The following ATP10B variants were observed in gnomAD, a reference collection of about 807,000 sequenced individuals.
ATP10B encodes the protein ATPase phospholipid transporting 10B (putative), also known as phospholipid-transporting ATPase VB.
In ATP10B, 122 loss-of-function variants were observed where a neutral mutation model predicts 141.2. The observed-to-expected ratio is 0.86, with a 90% CI of 0.75 to 1.00. The LOEUF is 1.00. ATP10B is among the 50% of genes least tolerant of loss of function. The pLI, the probability that ATP10B is intolerant of heterozygous loss-of-function variation, is 0.00. For synonymous variants in ATP10B, 685 were observed against 692.0 expected (o/e 0.99, Z 0.16); for missense variants, 1,876 against 1,825.3 (o/e 1.03, Z -0.51).
intron 1 of ATP10B, among the ~76,000 whole-genome samples, chr5:160,804,591 G>A (rs1413377080): frequency 6.6e-6 from 1 of 152,144 alleles, no homozygotes; most frequent in Non-Finnish European, 1.5e-5. Flanking sequence ...AAAGACCCAT[G>A]TCCCTTTAGT....
chr5:160,606,820 C>T lies in ATP10B; in HGVS notation c.3105G>A (p.Lys1035=). 1 of 1,614,144 alleles carries T rather than the reference C, an allele frequency of 6.2e-7. No individual in the cohort carries two copies. Among genetic ancestry groups the T allele is most frequent in the Non-Finnish European group, 8.5e-7 (1 of 1,180,002 alleles). ...VLCCRSTPLQ[K]SMIVKLVRDK... ...CTCGCACCAGCTTGACTATCATACTCTTCTGGAGTGGCGTGGAGCGGCAGC... is the reference window on the plus strand; with the variant it reads ...CTCGCACCAGCTTGACTATCATACTTTTCTGGAGTGGCGTGGAGCGGCAGC... The change falls in exon 19 of 26, where the codon AAG becomes AAA. Residue 1035 remains lysine (K), a synonymous_variant. Transcript: ENST00000327245.
chr5:160,667,097 A>T (rs561931689), intron 7 of ATP10B, among the ~76,000 whole-genome samples: 1 of 152,296 alleles, frequency 6.6e-6, no homozygotes, highest in African/African-American at 2.4e-5. Flanking sequence ...CGGCACCTGT[A>T]GTCCCAGCTA....
chr5:160,850,072 C>G (rs569672436), intron 1 of ATP10B, among the ~76,000 whole-genome samples: 1 of 152,162 alleles, frequency 6.6e-6, no homozygotes, highest in South Asian at 2.1e-4. Context: ...TTTTCATTCC[C>G]TTCTGACATG....
chr5:160,738,083 G>A (rs2127802914), intron 2 of ATP10B, among the ~76,000 whole-genome samples: 1 of 152,230 alleles, frequency 6.6e-6, no homozygotes, highest in African/African-American at 2.4e-5. Flanking sequence ...AAATCATGCA[G>A]AGTATGCTTT....
intron 3 of ATP10B, among the ~76,000 whole-genome samples, chr5:160,696,404 T>C (rs1001185572): frequency 8.5e-5 from 13 of 152,182 alleles, no homozygotes; most frequent in African/African-American, 3.1e-4. Flanking sequence ...CCACCATGCC[T>C]GGCCAAAAGC....
At chr5:160,881,978 T>C in the ATP10B span, among the ~76,000 whole-genome samples, 1 of 152,080 alleles carries the variant, frequency 6.6e-6, no homozygotes, top group African/African-American at 2.4e-5. Flanking sequence ...CAGAGTAACC[T>C]TAAATGCATA....
chr5:160,928,440 T>C, the ATP10B span, among the ~76,000 whole-genome samples: 3 of 152,158 alleles, frequency 2.0e-5, no homozygotes, highest in African/African-American at 7.2e-5. Flanking sequence ...AAATAGTTCC[T>C]CACCAGCCCT....
At chr5:160,629,600 G>A (rs1008728753) in intron 13 of ATP10B, among the ~76,000 whole-genome samples, 5 of 152,178 alleles carry the variant, frequency 3.3e-5, no homozygotes, top group Admixed American at 3.3e-4. Flanking sequence ...TCAGATATGT[G>A]AACATTTGTT....
intron 3 of ATP10B, among the ~76,000 whole-genome samples, chr5:160,696,517 A>G (rs556732385): frequency 6.6e-6 from 1 of 152,186 alleles, no homozygotes; most frequent in African/African-American, 2.4e-5. Context: ...AACTACTTTT[A>G]TTAAAATAAA....
intron 9 of ATP10B, 138 bp downstream of exon 9, chr5:160,644,000 C>G (rs1270897031): frequency 8.8e-6 from 6 of 679,952 alleles, no homozygotes; most frequent in Admixed American, 2.3e-5. Flanking sequence ...CCTCCGTTTG[C>G]TTAGTTGAGA....
chr5:160,838,634 T>C (rs890563991), intron 1 of ATP10B, among the ~76,000 whole-genome samples: 1 of 152,170 alleles, frequency 6.6e-6, no homozygotes, highest in Non-Finnish European at 1.5e-5. Flanking sequence ...TGGTTAGTAA[T>C]GTACATACTT....
At chr5:160,776,596 C>T (rs1770342934) in intron 2 of ATP10B, among the ~76,000 whole-genome samples, 1 of 152,152 alleles carries the variant, frequency 6.6e-6, no homozygotes. Flanking sequence ...GGTTTCCAAC[C>T]AGTTAGACTG....
the ATP10B span, among the ~76,000 whole-genome samples, chr5:160,923,550 T>C: frequency 6.6e-6 from 1 of 152,366 alleles, no homozygotes; most frequent in Admixed American, 6.5e-5. Flanking sequence ...TGCAGTATTA[T>C]GCAACTGTGG....
At chr5:160,701,245 C>A (rs548333323) in intron 3 of ATP10B, among the ~76,000 whole-genome samples, 55 of 152,296 alleles carry the variant, frequency 3.6e-4, no homozygotes, top group Middle Eastern at 6.8e-3. Context: ...GCATAAGGAA[C>A]AAAACTTAAA....
At chr5:160,815,091 A>C (rs1028123546) in intron 1 of ATP10B, among the ~76,000 whole-genome samples, 7 of 152,190 alleles carry the variant, frequency 4.6e-5, no homozygotes, top group East Asian at 1.9e-4. Context: ...TGAGCAAAAT[A>C]ACCAGCTAAC....
chr5:160,736,309 T>A (rs1055219551), intron 2 of ATP10B, among the ~76,000 whole-genome samples: 1 of 152,046 alleles, frequency 6.6e-6, no homozygotes. Flanking sequence ...ATTCAAAGGA[T>A]CGTTAGTGGC....
chr5:160,687,657 TG>T lies in ATP10B; in HGVS notation c.275+142del, dbSNP rs1309290683. The T allele has an allele frequency of 1.3e-5, 13 of 978,140 alleles. No individual in the cohort carries two copies. The African/African-American group carries it at 2.1e-4, about 16-fold the overall frequency. The allele number at this position is 978,140 out of a possible 1,614,324, so 60.6% of individuals were successfully genotyped here. A position where few individuals can be genotyped will look rare whatever the true frequency, so the allele number is the denominator to read the frequency against. ...GTGCACGCCTGTGGTCCCAGCTATT[TG>T]GGAGGCTGAGGTGGGAGATTCCCTT... On this transcript the variant is annotated intron_variant, in intron 5 of 25. Transcript: ENST00000327245.
the ATP10B span, among the ~76,000 whole-genome samples, chr5:160,928,927 C>T: frequency 2.0e-5 from 3 of 152,208 alleles, no homozygotes; most frequent in Non-Finnish European, 2.9e-5. Context: ...AAAGGAACCA[C>T]GACCACATAG....
chr5:160,801,925 C>T (rs12716364), intron 1 of ATP10B, among the ~76,000 whole-genome samples: 72,196 of 151,854 alleles, frequency 0.48, 17,188 homozygotes, highest in East Asian at 0.6. Flanking sequence ...CCTCATCTAG[C>T]ATAATGCCTA....
Sources: gnomAD v4.1 joint callset for allele counts (sites outside exome capture counted in the v4.1 genomes callset) on GRCh38, gnomAD v4.1.1 for gene constraint, MANE v1.5 for transcripts, NCBI Gene and HGNC (gene_info 2026-07-23, HGNC 2026-07-21) for gene names.